Variants in CLYBL observed in about 807,000 individuals in gnomAD.
CLYBL encodes citramalyl-CoA lyase.
CLYBL carries 31 observed loss-of-function variants against 38.9 expected under a neutral mutation model. The observed-to-expected ratio is 0.80, with a 90% CI of 0.60 to 1.08. The LOEUF is 1.08. Ranked by LOEUF, CLYBL falls within the 50% of genes least tolerant of loss-of-function variation. The pLI is 0.00. For missense variants in CLYBL, 434 were observed against 411.6 expected (o/e 1.05, Z -0.47); for synonymous variants, 171 against 158.6 (o/e 1.08, Z -0.59).
intron 2 of CLYBL, among the ~76,000 whole-genome samples, chr13:99,812,546 A>G (rs559617650): frequency 6.6e-6 from 1 of 152,246 alleles, no homozygotes; most frequent in East Asian, 1.9e-4. Flanking sequence ...CATCCATAAA[A>G]TGAAAGAATG....
chr13:99,840,167 T>C (rs948357547), intron 2 of CLYBL, among the ~76,000 whole-genome samples: 13 of 151,614 alleles, frequency 8.6e-5, no homozygotes, highest in Non-Finnish European at 1.8e-4. Context: ...CCTGCGATGG[T>C]CAGAGACACC....
intron 7 of CLYBL, among the ~76,000 whole-genome samples, chr13:99,872,356 A>G (rs2051927304): frequency 6.6e-6 from 1 of 152,234 alleles, no homozygotes. Flanking sequence ...TGCATTTCAT[A>G]GAAACAATAT....
chr13:99,761,237 C>T (rs925080020), intron 1 of CLYBL, among the ~76,000 whole-genome samples: 4 of 152,166 alleles, frequency 2.6e-5, no homozygotes, highest in African/African-American at 9.7e-5. Flanking sequence ...CCTGTAGTCC[C>T]AGCTACTTGG....
chr13:99,641,898 G>A (rs11839315), intron 1 of CLYBL, among the ~76,000 whole-genome samples: 24,939 of 152,116 alleles, frequency 0.16, 2,186 homozygotes, highest in African/African-American at 0.21. Flanking sequence ...ACATTTCTGA[G>A]ATTGGTGCAT....
intron 2 of CLYBL, among the ~76,000 whole-genome samples, chr13:99,854,847 G>A (rs1320620237): frequency 1.3e-5 from 2 of 152,118 alleles, no homozygotes; most frequent in Non-Finnish European, 2.9e-5. Context: ...GCACGCCTTG[G>A]TTCCTGGCCC....
intron 2 of CLYBL, among the ~76,000 whole-genome samples, chr13:99,836,447 T>G (rs914705490): frequency 6.6e-6 from 1 of 151,920 alleles, no homozygotes; most frequent in Non-Finnish European, 1.5e-5. Flanking sequence ...TACAGTGCAG[T>G]AAGGTAGGAG....
At chr13:99,776,495 C>CAA (rs1181592895) in intron 2 of CLYBL, among the ~76,000 whole-genome samples, 1 of 115,622 alleles carries the variant, frequency 8.6e-6, no homozygotes, top group Non-Finnish European at 1.8e-5. Flanking sequence ...GACTCTGTCT[C>CAA]AAAAAAAAAA....
chr13:99,673,151 G>T (rs1356042757), intron 1 of CLYBL, among the ~76,000 whole-genome samples: 2 of 152,176 alleles, frequency 1.3e-5, no homozygotes, highest in African/African-American at 4.8e-5. Context: ...TGGTAGCTTA[G>T]CCTGTAATCC....
chr13:99,666,824 TG>T (rs1244494124), intron 1 of CLYBL, among the ~76,000 whole-genome samples: 1 of 152,164 alleles, frequency 6.6e-6, no homozygotes, highest in Non-Finnish European at 1.5e-5. Context: ...AACCCACCTA[TG>T]TTAACAAAAG....
intron 1 of CLYBL, among the ~76,000 whole-genome samples, chr13:99,752,149 T>C (rs1002789100): frequency 6.6e-6 from 1 of 152,110 alleles, no homozygotes; most frequent in Non-Finnish European, 1.5e-5. Flanking sequence ...GAGTGTAAAT[T>C]AGCACAACTC....
intron 1 of CLYBL, among the ~76,000 whole-genome samples, chr13:99,757,227 T>C (rs1198505421): frequency 6.6e-6 from 1 of 151,956 alleles, no homozygotes; most frequent in Non-Finnish European, 1.5e-5. Flanking sequence ...TTAATCAAAA[T>C]ACTTTTCTTT....
At chr13:99,663,043 A>G (rs1197640453) in intron 1 of CLYBL, among the ~76,000 whole-genome samples, 1 of 152,220 alleles carries the variant, frequency 6.6e-6, no homozygotes, top group African/African-American at 2.4e-5. Flanking sequence ...AATACGGGGA[A>G]TGAGATGCAG....
At chr13:99,787,256 G>A (rs914803747) in intron 2 of CLYBL, among the ~76,000 whole-genome samples, 5 of 152,140 alleles carry the variant, frequency 3.3e-5, no homozygotes, top group Non-Finnish European at 7.4e-5. Flanking sequence ...TGGTGTTTTA[G>A]ACATGAAGTC....
Position 99,847,959 on chromosome 13 carries a change from CCTGT to C in CLYBL, c.250-10890_250-10887del, listed in dbSNP as rs201938692. Among the ~76,000 whole-genome samples, 113 of 152,202 alleles carry C rather than the reference CCTGT, an allele frequency of 7.4e-4. No homozygotes were observed. The East Asian group carries it at 0.012, about 16-fold the overall frequency. Reference sequence around the variant, plus strand: ...GCCCTTCAGGGCTCTCCATTGTCTGCCTGTCTGTCTGTCTGCCTGTCTGTCTGTC... The same window carrying C: ...GCCCTTCAGGGCTCTCCATTGTCTGCCTGTCTGTCTGCCTGTCTGTCTGTC... On this transcript the variant is annotated intron_variant, in intron 2 of 8. Transcript: ENST00000339105.
At chr13:99,776,726 A>G (rs889483728) in intron 2 of CLYBL, among the ~76,000 whole-genome samples, 1 of 152,250 alleles carries the variant, frequency 6.6e-6, no homozygotes, top group Non-Finnish European at 1.5e-5. Context: ...GCATGCCGCT[A>G]AAAACTTCTT....
Position 99,891,349 on chromosome 13 carries a change from A to T in CLYBL, c.959A>T (p.Asp320Val). Residue 320 changes from aspartate to valine, a missense_variant, in exon 8 of 9, where the codon GAC (aspartate) becomes GTC (valine). Coordinates refer to ENST00000339105, the MANE Select transcript of CLYBL (RefSeq NM_206808.5). ...TTTACTTTCCAAGGGAGTATGATCG[A>T]CATGCCATTACTGAAGCAGGCCCAG... ...GAFTFQGSMI[D>V]MPLLKQAQNT... The T allele has an allele frequency of 2.5e-6, 4 of 1,613,912 alleles. No homozygotes were observed. Among genetic ancestry groups the T allele is most frequent in the Non-Finnish European group, 2.5e-6 (3 of 1,179,840 alleles).
chr13:99,806,876 G>C (rs1483034937), intron 2 of CLYBL, among the ~76,000 whole-genome samples: 1 of 152,218 alleles, frequency 6.6e-6, no homozygotes, highest in Non-Finnish European at 1.5e-5. Context: ...CTGCCATCTG[G>C]TTCACACATG....
intron 1 of CLYBL, among the ~76,000 whole-genome samples, chr13:99,621,994 G>T (rs1380283390): frequency 1.3e-5 from 2 of 152,208 alleles, no homozygotes; most frequent in Non-Finnish European, 2.9e-5. Flanking sequence ...TTCTAGGGGT[G>T]ATCTGTTTGC....
intron 3 of CLYBL, among the ~76,000 whole-genome samples, chr13:99,859,763 C>T (rs780761854): frequency 3.8e-4 from 58 of 152,074 alleles, no homozygotes; most frequent in Non-Finnish European, 6.6e-4. Flanking sequence ...TTTTAATTGA[C>T]AAAGGGTGGA....
Sources: gnomAD v4.1 joint callset for allele counts (sites outside exome capture counted in the v4.1 genomes callset) on GRCh38, gnomAD v4.1.1 for gene constraint, MANE v1.5 for transcripts, NCBI Gene and HGNC (gene_info 2026-07-23, HGNC 2026-07-21) for gene names.